Variants in ATPAF2 observed in about 807,000 individuals in gnomAD.
ATPAF2 encodes the protein ATP12 homolog.
ATPAF2 carries 30 observed loss-of-function variants against 36.6 expected under a neutral mutation model. The ratio of observed to expected loss-of-function variants is 0.82; its 90% confidence interval spans 0.61 to 1.11. The LOEUF (loss-of-function observed/expected upper bound fraction) is 1.11. ATPAF2 is among the 50% of genes most tolerant of loss of function. ATPAF2 has a pLI of 0.00. For missense variants in ATPAF2, 321 were observed against 372.3 expected (o/e 0.86, Z 1.13); for synonymous variants, 140 against 152.6 (o/e 0.92, Z 0.61).
intron 5 of ATPAF2, 94 bp downstream of exon 5, chr17:18,024,530 A>G: frequency 9.7e-7 from 1 of 1,036,132 alleles, no homozygotes; most frequent in Non-Finnish European, 1.5e-6. Context: ...CTGACTAGCT[A>G]AGGGCACTAG....
intron 6 of ATPAF2, 61 bp from the exon 7 acceptor site, chr17:18,021,299 G>C: frequency 7.9e-7 from 1 of 1,267,266 alleles, no homozygotes; most frequent in Admixed American, 1.9e-5. Flanking sequence ...CCTACCCCTT[G>C]TGAGTCCCAG....
intron 1 of ATPAF2, among the ~76,000 whole-genome samples, chr17:18,030,102 C>T (rs2044605934): frequency 6.6e-6 from 1 of 151,376 alleles, no homozygotes; most frequent in African/African-American, 2.4e-5. Context: ...GGGTGGATCA[C>T]CTGAGGTCAG....
intron 1 of ATPAF2, among the ~76,000 whole-genome samples, chr17:18,032,901 G>A (rs2044656685): frequency 6.7e-6 from 1 of 150,116 alleles, no homozygotes; most frequent in Non-Finnish European, 1.5e-5. Context: ...GAAACAGGTT[G>A]CATGAAGGAC....
At chr17:18,016,671 G>A, downstream of ATPAF2, 1 of 1,599,380 alleles carries the variant, frequency 6.3e-7, no homozygotes, top group Non-Finnish European at 8.6e-7. Context: ...TCCTAGACTA[G>A]ATGAATGTCA....
At chr17:18,016,147 T>A, downstream of ATPAF2, 6 of 1,613,960 alleles carry the variant, frequency 3.7e-6, no homozygotes, top group Non-Finnish European at 5.1e-6. Flanking sequence ...ATCGAGAAGA[T>A]GAGCTGGTGA....
chr17:18,015,960 C>A, downstream of ATPAF2: 1 of 1,284,558 alleles, frequency 7.8e-7, no homozygotes, highest in Non-Finnish European at 1.1e-6. Flanking sequence ...TGAGTGTGGC[C>A]TGCACAGCCA....
chr17:18,016,001 G>C (rs1009269271), downstream of ATPAF2: 1 of 1,578,544 alleles, frequency 6.3e-7, no homozygotes, highest in Non-Finnish European at 8.7e-7. Flanking sequence ...TCTCTGTTCA[G>C]CTCCCTTTGT....
chr17:18,022,977 A>G (rs2044493029), intron 5 of ATPAF2, among the ~76,000 whole-genome samples: 1 of 151,970 alleles, frequency 6.6e-6, no homozygotes. Context: ...TACAAAAAAA[A>G]TTAGCCGGGT....
intron 1 of ATPAF2, among the ~76,000 whole-genome samples, chr17:18,030,084 G>A (rs2044605542): frequency 6.6e-6 from 1 of 151,512 alleles, no homozygotes; most frequent in Non-Finnish European, 1.5e-5. Flanking sequence ...ACTTTGGGAG[G>A]CGGAGGCGGG....
intron 1 of ATPAF2, among the ~76,000 whole-genome samples, chr17:18,031,116 G>A (rs1024705219): frequency 6.6e-6 from 1 of 150,732 alleles, no homozygotes; most frequent in Non-Finnish European, 1.5e-5. Context: ...GGGACTACAG[G>A]TGCCTGCCAC....
chr17:18,019,556 G>A (rs973855212), intron 7 of ATPAF2, among the ~76,000 whole-genome samples: 1 of 152,224 alleles, frequency 6.6e-6, no homozygotes, highest in Non-Finnish European at 1.5e-5. Flanking sequence ...CTGCACACTG[G>A]GGACAAGTTG....
rs2044471940 is a variant in ATPAF2, at chr17:18,021,758, T to C, written c.603A>G (p.Thr201=). Residue 201 remains threonine, a synonymous_variant, in exon 6 of 8, where the codon ACA becomes ACG. Coordinates refer to ENST00000474627, the MANE Select transcript of ATPAF2 (RefSeq NM_145691.4). The part of the protein sequence containing the change: ...VLVSHLASYN[T]WALQGIEFVA... ...CTCCATACATGCCTTGTAAAGCCCATGTGTTGTAAGATGCCAGGTGGCTGA... is the reference window on the plus strand; with the variant it reads ...CTCCATACATGCCTTGTAAAGCCCACGTGTTGTAAGATGCCAGGTGGCTGA... 6.2e-7 allele frequency: 1 copy of C among 1,613,606 alleles called. No homozygotes were observed. Among genetic ancestry groups the C allele is most frequent in the Non-Finnish European group, 8.5e-7 (1 of 1,179,696 alleles).
At chr17:18,026,556 G>C (rs1480053526) in intron 3 of ATPAF2, 140 bp from the exon 4 acceptor site, 1 of 738,562 alleles carries the variant, frequency 1.4e-6, no homozygotes, top group Non-Finnish European at 2.5e-6. Flanking sequence ...CATTACCGGA[G>C]CAGCAGCACA....
At chr17:18,016,873 T>TA (rs5819640), downstream of ATPAF2, 6,471 of 302,506 alleles carry the variant, frequency 0.021, 34 homozygotes, top group Non-Finnish European at 0.029. Context: ...CCCCTACTCA[T>TA]AAAAAAAAAA....
downstream of ATPAF2, chr17:18,016,602 GATCA>G: frequency 1.2e-6 from 2 of 1,613,940 alleles, no homozygotes; most frequent in Non-Finnish European, 1.7e-6. Context: ...GCGTGAAGGA[GATCA>G]ATCAGTACAT....
At chr17:18,037,557 C>T (rs1042460134) in intron 1 of ATPAF2, among the ~76,000 whole-genome samples, 2 of 152,046 alleles carry the variant, frequency 1.3e-5, no homozygotes, top group African/African-American at 4.8e-5. Flanking sequence ...GCACTCCAGC[C>T]TCTGTGACAG....
Position 18,021,811 on chromosome 17 carries a change from TG to T in ATPAF2, c.549del (p.Ser183ArgfsTer28). 1 of 1,614,202 alleles carries T rather than the reference TG, an allele frequency of 6.2e-7. No individual in the cohort carries two copies. Among genetic ancestry groups the T allele is most frequent in the Non-Finnish European group, 8.5e-7 (1 of 1,180,038 alleles). On this transcript the variant is annotated frameshift_variant, in exon 6 of 8. Transcript: ENST00000474627. LOFTEE classifies it high-confidence loss of function. Reference sequence around the variant, plus strand: ...AGCACCTCCCGAGTTTTGGCAGGGATGCTGGGTCCCATTATGCTGGTGGAGG... The same window carrying T: ...AGCACCTCCCGAGTTTTGGCAGGGATCTGGGTCCCATTATGCTGGTGGAGG... ...ISSSTSIMGP[S>X]IPAKTREVLV...
At chr17:18,016,829 A>G, downstream of ATPAF2, 1 of 511,904 alleles carries the variant, frequency 2.0e-6, no homozygotes, top group Non-Finnish European at 3.5e-6. Flanking sequence ...AAAACTTCCA[A>G]AAGTAGAGAA....
chr17:18,039,030 G>A lies in ATPAF2; in HGVS notation c.-17C>T, dbSNP rs1201777967. ...CCTCCACATCGCGCCCGAGGGTCTG[G>A]GAAGATGCGAGACGCGAAACCTGGA... On this transcript the variant is annotated 5_prime_UTR_variant, in exon 1 of 8. Coordinates refer to ENST00000474627, the MANE Select transcript of ATPAF2 (RefSeq NM_145691.4). The surrounding 1 kb of genome is among the most constrained non-coding windows in gnomAD (Gnocchi z 5.3). 1.3e-6 allele frequency: 2 copies of A among 1,585,664 alleles called. No homozygotes were observed. The highest frequency in any genetic ancestry group is 2.3e-5 in the South Asian group (2 of 88,820).
Sources: allele counts gnomAD v4.1 joint callset (sites outside exome capture counted in the v4.1 genomes callset), GRCh38; gene constraint gnomAD v4.1.1; non-coding constraint Gnocchi (gnomAD v3.1); transcripts MANE v1.5; gene names NCBI Gene and HGNC (gene_info 2026-07-23, HGNC 2026-07-21).